The following NPAT variants were observed in gnomAD, a reference collection of about 807,000 sequenced individuals.
NPAT encodes the protein nuclear protein, coactivator of histone transcription, also known as protein NPAT.
A neutral mutation model predicts 130.7 loss-of-function variants in NPAT; 52 were observed. The observed-to-expected ratio is 0.40, with a 90% CI of 0.32 to 0.50. NPAT has a LOEUF of 0.50. NPAT is among the 20% of genes least tolerant of loss of function. The probability of loss-of-function intolerance (pLI) is 0.68; values close to 1 mark genes in which losing one functional copy is unlikely to be tolerated. For missense variants in NPAT, 1,687 were observed against 1,662.6 expected (o/e 1.01, Z -0.26); for synonymous variants, 580 against 584.8 (o/e 0.99, Z 0.12).
intron 1 of NPAT, among the ~76,000 whole-genome samples, chr11:108,206,066 T>A (rs1251810977): frequency 6.6e-6 from 1 of 152,028 alleles, no homozygotes; most frequent in Non-Finnish European, 1.5e-5. Context: ...AATAAATAAA[T>A]AAAAATAAAA....
At chr11:108,216,654 T>TGGAAA (rs10665850) in intron 1 of NPAT, among the ~76,000 whole-genome samples, 92,972 of 151,334 alleles carry the variant, frequency 0.61, 28,783 homozygotes, top group Middle Eastern at 0.76. Flanking sequence ...TAGCATAACC[T>TGGAAA]GGAATCATTA....
intron 1 of NPAT, chr11:108,208,725 C>A (rs578138100): frequency 1.5e-5 from 4 of 269,372 alleles, no homozygotes; most frequent in Non-Finnish European, 3.0e-5. Context: ...GGCTTCTATA[C>A]CACACTTTCA....
At chr11:108,176,457 CAAATGTT>C in intron 11 of NPAT, 83 bp from the exon 12 acceptor site, 1 of 1,051,642 alleles carries the variant, frequency 9.5e-7, no homozygotes, top group Non-Finnish European at 1.5e-6. Context: ...GGTGATTACG[CAAATGTT>C]AAACTTCGAT....
At chr11:108,174,268 A>G (rs7129527) in intron 12 of NPAT, among the ~76,000 whole-genome samples, 55,416 of 151,996 alleles carry the variant, frequency 0.36, 11,395 homozygotes, top group Middle Eastern at 0.63. Flanking sequence ...GAGCCACCAC[A>G]CCCAACTTAT....
chr11:108,203,451 A>G (rs535473237), intron 1 of NPAT, among the ~76,000 whole-genome samples: 1 of 152,208 alleles, frequency 6.6e-6, no homozygotes, highest in Non-Finnish European at 1.5e-5. Context: ...ATGTCACTGG[A>G]AAATATTCTT....
chr11:108,160,507 A>C (rs2077836003), intron 17 of NPAT, among the ~76,000 whole-genome samples: 1 of 152,194 alleles, frequency 6.6e-6, no homozygotes, highest in South Asian at 2.1e-4. Context: ...CCAATCTTTC[A>C]TGACTATGTC....
intron 10 of NPAT, among the ~76,000 whole-genome samples, chr11:108,177,439 T>C (rs1228577808): frequency 6.6e-6 from 1 of 152,132 alleles, no homozygotes; most frequent in Non-Finnish European, 1.5e-5. Context: ...GGATTATAGA[T>C]GTGGGCCACT....
At chr11:108,168,374 A>C (rs2077919750) in intron 15 of NPAT, among the ~76,000 whole-genome samples, 1 of 152,238 alleles carries the variant, frequency 6.6e-6, no homozygotes, top group African/African-American at 2.4e-5. Context: ...GGAATGAACT[A>C]GTTATAAGAA....
rs567380339 is a variant in NPAT at position 108,217,348 on chromosome 11, G to A, written c.37+5152C>T. Among the ~76,000 whole-genome samples the A allele has an allele frequency of 4.6e-5, 7 of 152,174 alleles. No homozygotes were observed. The East Asian group carries it at 1.4e-3, about 29-fold the overall frequency. ...TTAATCCATCTTAAATGTATATATA[G>A]CTTACATGTATTTCAATGTTTAATA... On this transcript the variant is annotated intron_variant, in intron 1 of 17. Coordinates refer to ENST00000278612, the MANE Select transcript of NPAT (RefSeq NM_002519.3).
At chr11:108,200,422 G>C (rs1482144789) in intron 1 of NPAT, among the ~76,000 whole-genome samples, 1 of 152,128 alleles carries the variant, frequency 6.6e-6, no homozygotes, top group Non-Finnish European at 1.5e-5. Context: ...GCTAGGCAGG[G>C]CTATTTTAGC....
At chr11:108,167,949 A>T (rs373265995) in intron 15 of NPAT, among the ~76,000 whole-genome samples, 6 of 152,360 alleles carry the variant, frequency 3.9e-5, no homozygotes, top group Admixed American at 2.0e-4. Flanking sequence ...ATTTATAGTT[A>T]TAAGAGAAGA....
rs62642487 is a variant in NPAT, at chr11:108,169,795, C to A, written c.2959G>T (p.Val987Phe). Residue 987 changes from valine to phenylalanine, a missense_variant, in exon 15 of 18, where the codon GTC becomes TTC. Physicochemically the swap from Val to Phe is conservative, Grantham distance 50 (BLOSUM62 -1). Transcript: ENST00000278612. ...TGAGCCTTCTGAGATTTTGGAGGGA[C>A]GGGGAATTGAGGGATACTTCTATTG... ...VCNRSIPQFPVPPKSQKAQGL... is the reference protein window; with the variant it reads ...VCNRSIPQFPFPPKSQKAQGL... 45 of 1,613,838 alleles carry A rather than the reference C, an allele frequency of 2.8e-5. No individual in the cohort carries two copies. Among genetic ancestry groups the A allele is most frequent in the Admixed American group, 5.0e-5 (3 of 60,018 alleles).
chr11:108,167,774 A>G (rs1053342001), intron 15 of NPAT, among the ~76,000 whole-genome samples: 1 of 152,218 alleles, frequency 6.6e-6, no homozygotes, highest in African/African-American at 2.4e-5. Flanking sequence ...AACCTCACCA[A>G]TGTTTTTTTC....
Position 108,173,009 on chromosome 11 carries a change from A to G in NPAT, c.1975T>C (p.Ser659Pro). 6.2e-7 allele frequency: 1 copy of G among 1,614,092 alleles called. No individual in the cohort carries two copies. Among genetic ancestry groups the G allele is most frequent in the Non-Finnish European group, 8.5e-7 (1 of 1,179,998 alleles). ...NEAQASKSEN[S>P]QEPSSSVKEE... ...TTTACAGAAGATGAAGGCTCCTGTG[A>G]ATTCTCAGACTTGGATGCCTGAGCT... is the stretch of plus-strand genomic sequence containing the variant. Residue 659 changes from serine to proline, a missense_variant, in exon 13 of 18, where the codon TCA (serine) becomes CCA (proline). By Grantham distance (74) the Ser-to-Pro change is moderately conservative. Transcript: ENST00000278612.
Position 108,177,058 on chromosome 11 carries a change from C to T in NPAT, c.939G>A (p.Gln313=). The part of the protein sequence containing the change: ...SEIHMSEEAI[Q]DILEQTESDP... ...CTGATTCTGTCTGTTCCAATATGTC[C>T]TGTATAGCTTCTTCAGACATGTGAA... Residue 313 remains glutamine, a synonymous_variant, in exon 11 of 18, where the codon CAG becomes CAA. Coordinates refer to ENST00000278612, the MANE Select transcript of NPAT (RefSeq NM_002519.3). 1.2e-6 allele frequency: 2 copies of T among 1,612,900 alleles called. No homozygotes were observed. Among genetic ancestry groups the T allele is most frequent in the Non-Finnish European group, 1.7e-6 (2 of 1,179,198 alleles).
At chr11:108,206,839 GCCC>G (rs2078330301) in intron 1 of NPAT, among the ~76,000 whole-genome samples, 1 of 152,222 alleles carries the variant, frequency 6.6e-6, no homozygotes, top group Non-Finnish European at 1.5e-5. Flanking sequence ...TGACAGAACA[GCCC>G]TCAGGAGACC....
chr11:108,215,781 GCTAA>G (rs1441803663), intron 1 of NPAT, among the ~76,000 whole-genome samples: 1 of 152,114 alleles, frequency 6.6e-6, no homozygotes, highest in Non-Finnish European at 1.5e-5. Flanking sequence ...CCAACCTCTT[GCTAA>G]CTAATAAGAA....
At position 108,189,286 on chromosome 11, in the gene NPAT, G is replaced by C; in HGVS notation, c.376C>G (p.Leu126Val). Residue 126 changes from leucine to valine, a missense_variant, in exon 6 of 18, where the codon CTT becomes GTT. Coordinates refer to ENST00000278612, the MANE Select transcript of NPAT (RefSeq NM_002519.3). ...CTGGCTGGAGCTGTTTGAGATGCAA[G>C]CTTTCTCTGCCGTTTGATTTCTGCA... ...GIAEIKRQRK[L>V]ASQTAPASAE... 1 of 1,614,180 alleles carries C rather than the reference G, an allele frequency of 6.2e-7. No individual in the cohort carries two copies. The highest frequency in any genetic ancestry group is 2.2e-5 in the East Asian group (1 of 44,874).
rs1204157390 is a variant in NPAT, at chr11:108,211,820, T to C, written c.37+10680A>G. Among the ~76,000 whole-genome samples the C allele has an allele frequency of 2.6e-5, 4 of 152,188 alleles. 1 individual carries two copies. Among genetic ancestry groups the C allele is most frequent in the African/African-American group, 2.4e-5 (1 of 41,464 alleles). On this transcript the variant is annotated intron_variant, in intron 1 of 17. Transcript: ENST00000278612. ...AAAAATTTAGCTGGGTATGGTGGCATGTGCCTATAGTTCCAGTTACTTGGG... is the reference window on the plus strand; with the variant it reads ...AAAAATTTAGCTGGGTATGGTGGCACGTGCCTATAGTTCCAGTTACTTGGG...
Sources: allele counts gnomAD v4.1 joint callset (sites outside exome capture counted in the v4.1 genomes callset), GRCh38; gene constraint gnomAD v4.1.1; transcripts MANE v1.5; gene names NCBI Gene and HGNC (gene_info 2026-07-23, HGNC 2026-07-21).